Variants in LPP observed in about 807,000 individuals in gnomAD.
LPP encodes lipoma-preferred partner.
A neutral mutation model predicts 60.4 loss-of-function variants in LPP; 38 were observed. That is an observed-to-expected ratio of 0.63 (90% CI 0.49 to 0.83). The LOEUF is 0.83. Among genes scored for constraint, LPP ranks in the 40% least tolerant of loss-of-function variants. The pLI is 0.00. For missense variants in LPP, 902 were observed against 783.6 expected, an observed-to-expected ratio of 1.15 and a Z score of -1.80; for synonymous variants, 328 against 290.8, an observed-to-expected ratio of 1.13 and a Z score of -1.30.
chr3:188,496,999 G>A (rs1810416624), intron 5 of LPP, among the ~76,000 whole-genome samples: 1 of 129,066 alleles, frequency 7.7e-6, no homozygotes, highest in African/African-American at 3.4e-5. Flanking sequence ...TGGAAAAAAA[G>A]TTTCTGTGGC....
chr3:188,646,791 C>T (rs1282461602), intron 7 of LPP, among the ~76,000 whole-genome samples: 1 of 152,248 alleles, frequency 6.6e-6, no homozygotes, highest in Non-Finnish European at 1.5e-5. Context: ...AGTTCCCTTT[C>T]TATCACATGG....
At chr3:188,683,535 G>T (rs948098146) in intron 7 of LPP, among the ~76,000 whole-genome samples, 2 of 152,126 alleles carry the variant, frequency 1.3e-5, no homozygotes, top group South Asian at 2.1e-4. Flanking sequence ...CTTTTGCCTG[G>T]TTTCTTAGGG....
intron 9 of LPP, among the ~76,000 whole-genome samples, chr3:188,834,400 A>G (rs1462465256): frequency 2.4e-5 from 3 of 126,242 alleles, no homozygotes; most frequent in Admixed American, 1.1e-4. Flanking sequence ...CCTGAGGTCC[A>G]GTGCTAATTT....
intron 9 of LPP, among the ~76,000 whole-genome samples, chr3:188,840,641 GGTAT>G (rs1277545711): frequency 2.1e-4 from 32 of 152,194 alleles, no homozygotes; most frequent in African/African-American, 7.5e-4. Context: ...TAGCAACACA[GGTAT>G]GTGCCACCTC....
In LPP at chr3:188,589,687, T is replaced by C. The variant is rs373338140; in HGVS notation, c.430-19474T>C. On this transcript the variant is annotated intron_variant, in intron 6 of 11. Transcript: ENST00000617246. Reference sequence around the variant, plus strand: ...AAAACTTGCGAGGCTCAAAGTAGTTTAATTTTTATATATTGAAGCTACTCA... The same window carrying C: ...AAAACTTGCGAGGCTCAAAGTAGTTCAATTTTTATATATTGAAGCTACTCA... Among the ~76,000 whole-genome samples the C allele has an allele frequency of 1.1e-4, 17 of 152,366 alleles. No homozygotes were observed. In the East Asian group the frequency reaches 2.3e-3, roughly 21 times the overall value.
intron 2 of LPP, among the ~76,000 whole-genome samples, chr3:188,278,993 G>A (rs1740991903): frequency 6.6e-6 from 1 of 152,180 alleles, no homozygotes; most frequent in Non-Finnish European, 1.5e-5. Context: ...GCCCCTGGAG[G>A]TACATTGATA....
intron 2 of LPP, among the ~76,000 whole-genome samples, chr3:188,253,906 A>G (rs1349715992): frequency 6.6e-6 from 1 of 152,148 alleles, no homozygotes; most frequent in Non-Finnish European, 1.5e-5. Flanking sequence ...GCCGCATGGT[A>G]ATTACTCTGT....
chr3:188,580,685 C>T (rs2150975255), intron 6 of LPP, among the ~76,000 whole-genome samples: 1 of 152,150 alleles, frequency 6.6e-6, no homozygotes, highest in Admixed American at 6.5e-5. Context: ...TTGTTTCCCA[C>T]CAAAAGTCAA....
rs1474027720 is a variant in LPP at position 188,329,129 on chromosome 3, C to G, written c.-66-12534C>G. On this transcript the variant is annotated intron_variant, in intron 2 of 11. Transcript: ENST00000617246. ...GACTCTTGAAAGGTCTAAGGGACTC[C>G]TACACATGTATGGGTCACACATTAA... is the stretch of plus-strand genomic sequence containing the variant. Among the ~76,000 whole-genome samples the G allele has an allele frequency of 2.0e-5, 3 of 152,256 alleles. No homozygotes were observed. The East Asian group carries it at 5.8e-4, about 29-fold the overall frequency.
rs79052796 is a variant in LPP, at chr3:188,546,984, T to C, written c.429+22197T>C. Among the ~76,000 whole-genome samples, 16 of 152,326 alleles carry C rather than the reference T, an allele frequency of 1.1e-4. No homozygotes were observed. In the East Asian group the frequency reaches 3.1e-3, roughly 29 times the overall value. On this transcript the variant is annotated intron_variant, in intron 6 of 11. Transcript: ENST00000617246. ...AGGGACTTCTACTGTAAGAAAAAGA[T>C]GTGTAAAGCCATAACGACAAGAATA...
At chr3:188,765,566 G>A (rs1435803586) in intron 9 of LPP, among the ~76,000 whole-genome samples, 1 of 152,172 alleles carries the variant, frequency 6.6e-6, no homozygotes, top group African/African-American at 2.4e-5. Context: ...AATAGATCAT[G>A]GGGAGATTAT....
At chr3:188,468,408 A>G (rs73052740) in intron 4 of LPP, among the ~76,000 whole-genome samples, 30,762 of 152,176 alleles carry the variant, frequency 0.2, 3,499 homozygotes, top group Middle Eastern at 0.37. Context: ...GACCTTGGCT[A>G]TGTTCCAAAA....
rs546285859 is a variant in LPP, at chr3:188,657,152, A to G, written c.1113+47308A>G. Among the ~76,000 whole-genome samples, 9 of 151,382 alleles carry G rather than the reference A, an allele frequency of 5.9e-5. No individual in the cohort carries two copies. In the South Asian group the frequency reaches 1.9e-3, roughly 32 times the overall value. ...ATTGTTTAGGGGTTTTAAGTTGTCT[A>G]AGGAGACTATATCTGAATTCAATTA... On this transcript the variant is annotated intron_variant, in intron 7 of 11. Coordinates refer to ENST00000617246, the MANE Select transcript of LPP (RefSeq NM_001375462.1).
chr3:188,818,078 T>C (rs1403884871), intron 9 of LPP, among the ~76,000 whole-genome samples: 1 of 152,160 alleles, frequency 6.6e-6, no homozygotes, highest in African/African-American at 2.4e-5. Context: ...TTACAGAATG[T>C]TAGAAGTAAC....
intron 2 of LPP, among the ~76,000 whole-genome samples, chr3:188,229,801 C>T (rs1404864900): frequency 6.6e-6 from 1 of 152,324 alleles, no homozygotes; most frequent in Non-Finnish European, 1.5e-5. Flanking sequence ...CTACATTAGG[C>T]ATGGCCTTAG....
At chr3:188,160,443 CT>C (rs1717912633) in intron 1 of LPP, among the ~76,000 whole-genome samples, 1 of 152,240 alleles carries the variant, frequency 6.6e-6, no homozygotes, top group African/African-American at 2.4e-5. Context: ...ATCCGCTGGC[CT>C]TGGCCTCCCA....
chr3:188,769,583 C>T (rs1285280388), intron 9 of LPP, among the ~76,000 whole-genome samples: 1 of 152,142 alleles, frequency 6.6e-6, no homozygotes, highest in Non-Finnish European at 1.5e-5. Context: ...CCAGCAGGAA[C>T]CTTAGAAATT....
chr3:188,753,772 T>C (rs1729008375), intron 8 of LPP, among the ~76,000 whole-genome samples: 1 of 152,130 alleles, frequency 6.6e-6, no homozygotes, highest in East Asian at 1.9e-4. Flanking sequence ...TGTTTGAGTG[T>C]GGGTGTGTGT....
intron 4 of LPP, among the ~76,000 whole-genome samples, chr3:188,434,192 C>G (rs1421367070): frequency 6.6e-6 from 1 of 152,006 alleles, no homozygotes; most frequent in Non-Finnish European, 1.5e-5. Context: ...TTTGTTTTTT[C>G]TGACATAAAT....
Sources: gnomAD v4.1 joint callset for allele counts (sites outside exome capture counted in the v4.1 genomes callset) on GRCh38, gnomAD v4.1.1 for gene constraint, MANE v1.5 for transcripts, NCBI Gene and HGNC (gene_info 2026-07-23, HGNC 2026-07-21) for gene names.